Variants in AFTPH observed in about 807,000 individuals in gnomAD.
AFTPH encodes aftiphilin protein.
In AFTPH, 7 loss-of-function variants were observed where a neutral mutation model predicts 72.5. That is an observed-to-expected ratio of 0.10 (90% CI 0.05 to 0.18). AFTPH has a LOEUF of 0.18. AFTPH is among the 10% of genes least tolerant of loss of function. The pLI, the probability that AFTPH is intolerant of heterozygous loss-of-function variation, is 1.00. For missense variants in AFTPH, 979 were observed against 1,060.5 expected, an observed-to-expected ratio of 0.92 and a Z score of 1.07; for synonymous variants, 337 against 370.1, an observed-to-expected ratio of 0.91 and a Z score of 1.03.
At chr2:64,553,225 C>T in exon 2 of AFTPH, 1 of 1,614,068 alleles carries the variant, frequency 6.2e-7, no homozygotes, top group Non-Finnish European at 8.5e-7. Context: ...GATAGTTGTT[C>T]TTGGGCTGCT....
At chr2:64,545,854 T>C (rs935692954) in intron 1 of AFTPH, among the ~76,000 whole-genome samples, 5 of 151,906 alleles carry the variant, frequency 3.3e-5, no homozygotes, top group Admixed American at 6.6e-5. Flanking sequence ...TGAGCAGAAC[T>C]ATACACAAAC....
intron 1 of AFTPH, among the ~76,000 whole-genome samples, chr2:64,544,884 C>T (rs761131534): frequency 5.9e-5 from 9 of 152,062 alleles, no homozygotes; most frequent in Non-Finnish European, 1.3e-4. Context: ...CGCAAGTTCT[C>T]GCCATCAATT....
chr2:64,532,061 G>T (rs1669660850), intron 1 of AFTPH, among the ~76,000 whole-genome samples: 1 of 152,076 alleles, frequency 6.6e-6, no homozygotes, highest in Non-Finnish European at 1.5e-5. Context: ...AACTTACTAT[G>T]GTTCTTATGC....
At chr2:64,582,270 C>T (rs1314513179) in intron 7 of AFTPH, among the ~76,000 whole-genome samples, 2 of 152,166 alleles carry the variant, frequency 1.3e-5, no homozygotes, top group African/African-American at 2.4e-5. Flanking sequence ...ATAGTGCTAC[C>T]ACCCACTTCC....
chr2:64,535,333 A>G (rs1382861511), intron 1 of AFTPH, among the ~76,000 whole-genome samples: 1 of 152,220 alleles, frequency 6.6e-6, no homozygotes, highest in Non-Finnish European at 1.5e-5. Flanking sequence ...TACCCATTCT[A>G]TTAGAGAAAA....
intron 7 of AFTPH, among the ~76,000 whole-genome samples, chr2:64,584,515 GA>G (rs1219297584): frequency 6.6e-6 from 1 of 151,180 alleles, no homozygotes; most frequent in Non-Finnish European, 1.5e-5. Flanking sequence ...CACCTTTTCT[GA>G]AAATCTTTTA....
chr2:64,539,726 C>T (rs1031545272), intron 1 of AFTPH, among the ~76,000 whole-genome samples: 3 of 152,152 alleles, frequency 2.0e-5, no homozygotes, highest in Admixed American at 1.3e-4. Flanking sequence ...AGGTCTATGC[C>T]TACACAACAT....
Position 64,551,432 on chromosome 2 carries a change from C to CTT in AFTPH, c.-32-6_-32-5dup. The CTT allele has an allele frequency of 6.4e-7, 1 of 1,551,780 alleles. No individual in the cohort carries two copies. Among genetic ancestry groups the CTT allele is most frequent in the Non-Finnish European group, 8.7e-7 (1 of 1,153,928 alleles). ...TGTCCCCTCCAAAAATTCTTTTTTT[C>CTT]TTTTTTACAGGTGTAAATTAATTAT... On this transcript the variant is annotated splice_polypyrimidine_tract_variant and intron_variant, in intron 1 of 8. Coordinates refer to ENST00000238856, the Ensembl canonical transcript of AFTPH.
At position 64,577,743 on chromosome 2, in the gene AFTPH, A is replaced by G. The variant is rs549382574; in HGVS notation, c.2395-1743A>G. ...GTAGGTTATAAACTAGGTTTTCAGC[A>G]GTTTTTTAACTTTTATCTGAAATAA... On this transcript the variant is annotated intron_variant, in intron 6 of 8. Coordinates refer to ENST00000238856, the Ensembl canonical transcript of AFTPH. Among the ~76,000 whole-genome samples the G allele has an allele frequency of 3.9e-5, 6 of 152,344 alleles. No homozygotes were observed. In the South Asian group the frequency reaches 1.2e-3, roughly 32 times the overall value.
exon 2 of AFTPH, chr2:64,551,461 A>G: frequency 6.3e-7 from 1 of 1,593,724 alleles, no homozygotes; most frequent in Non-Finnish European, 8.5e-7. Context: ...TAATTATTTG[A>G]AAGCAACTGA....
chr2:64,539,774 AG>A (rs1442352807), intron 1 of AFTPH, among the ~76,000 whole-genome samples: 2 of 152,230 alleles, frequency 1.3e-5, no homozygotes, highest in African/African-American at 4.8e-5. Context: ...AACTCTTGAA[AG>A]AGCAGTTTCG....
chr2:64,588,414 G>C (rs1260322057), intron 8 of AFTPH, among the ~76,000 whole-genome samples: 1 of 152,154 alleles, frequency 6.6e-6, no homozygotes, highest in Non-Finnish European at 1.5e-5. Flanking sequence ...TTGTGTATAC[G>C]TTTTTGTGTG....
intron 6 of AFTPH, among the ~76,000 whole-genome samples, chr2:64,577,049 G>A (rs753087408): frequency 5.5e-5 from 8 of 144,944 alleles, no homozygotes; most frequent in Admixed American, 6.7e-5. Flanking sequence ...GTGAGCCACC[G>A]CGCCTGGCCA....
intron 1 of AFTPH, among the ~76,000 whole-genome samples, chr2:64,538,113 T>G (rs1207053400): frequency 6.6e-6 from 1 of 151,282 alleles, no homozygotes; most frequent in Non-Finnish European, 1.5e-5. Flanking sequence ...TGGCGAAACT[T>G]TTTTTTTTAA....
intron 1 of AFTPH, among the ~76,000 whole-genome samples, chr2:64,549,536 G>A (rs944758168): frequency 4.6e-5 from 7 of 151,748 alleles, no homozygotes; most frequent in African/African-American, 1.7e-4. Flanking sequence ...GGCCAGGCTG[G>A]TCTTGAACTC....
At chr2:64,582,915 A>G (rs1673296973) in intron 7 of AFTPH, among the ~76,000 whole-genome samples, 1 of 152,246 alleles carries the variant, frequency 6.6e-6, no homozygotes, top group South Asian at 2.1e-4. Context: ...AGCTGCGAGA[A>G]GAGCAAGCGG....
intron 2 of AFTPH, among the ~76,000 whole-genome samples, chr2:64,553,713 A>C (rs1360737928): frequency 6.6e-6 from 1 of 151,704 alleles, no homozygotes; most frequent in South Asian, 2.1e-4. Flanking sequence ...AAAAAAAAAA[A>C]AAAAAACCCA....
chr2:64,572,465 C>T (rs763127626), intron 5 of AFTPH, among the ~76,000 whole-genome samples: 8 of 152,016 alleles, frequency 5.3e-5, no homozygotes, highest in Admixed American at 2.6e-4. Flanking sequence ...CAAAGGGTGC[C>T]GTTTCTTACA....
intron 6 of AFTPH, among the ~76,000 whole-genome samples, chr2:64,574,324 A>AG (rs1395606889): frequency 2.6e-5 from 4 of 152,190 alleles, no homozygotes; most frequent in Non-Finnish European, 5.9e-5. Flanking sequence ...GGTCCACTGA[A>AG]GGGTTCCAGG....
Sources: allele counts gnomAD v4.1 joint callset (sites outside exome capture counted in the v4.1 genomes callset), GRCh38; gene constraint gnomAD v4.1.1; transcripts MANE v1.5; gene names NCBI Gene and HGNC (gene_info 2026-07-23, HGNC 2026-07-21).